The following FCGR1A variants were observed in gnomAD, a reference collection of about 807,000 sequenced individuals.
FCGR1A encodes high affinity immunoglobulin gamma Fc receptor I.
In FCGR1A, 13 loss-of-function variants were observed where a neutral mutation model predicts 35.0. That is an observed-to-expected ratio of 0.37 (90% CI 0.24 to 0.59). The LOEUF is 0.59. Ranked by LOEUF, FCGR1A falls within the 20% of genes least tolerant of loss-of-function variation. The pLI is 0.71. For missense variants in FCGR1A, 227 were observed against 430.0 expected (o/e 0.53, Z 4.17); for synonymous variants, 91 against 164.7 (o/e 0.55, Z 3.43).
the FCGR1A span, among the ~76,000 whole-genome samples, chr1:149,797,344 C>G: frequency 1.3e-5 from 2 of 152,060 alleles, no homozygotes; most frequent in Non-Finnish European, 2.9e-5. Flanking sequence ...GAAAAGTCAA[C>G]ATTTTGTCTA....
Position 149,791,455 on chromosome 1 carries a change from G to A in FCGR1A, c.1063G>A (p.Glu355Lys), listed in dbSNP as rs2101413744. Residue 355 changes from glutamate to lysine, a missense_variant, in exon 6 of 6, where the codon GAA becomes AAA. Coordinates refer to ENST00000369168, the MANE Select transcript of FCGR1A (RefSeq NM_000566.4). ...TTTAGAAGAAGAGCTGAAATGTCAG[G>A]AACAAAAAGAAGAACAGCTGCAGGA... The part of the protein sequence containing the change: ...RHLEEELKCQ[E>K]QKEEQLQEGV... The A allele has an allele frequency of 1.9e-6, 3 of 1,608,160 alleles. No homozygotes were observed. Among genetic ancestry groups the A allele is most frequent in the Middle Eastern group, 2.3e-4 (1 of 4,420 alleles).
chr1:149,793,137 C>T, downstream of FCGR1A: 1 of 1,275,084 alleles, frequency 7.8e-7, no homozygotes, highest in South Asian at 1.2e-5. Flanking sequence ...CCGGCCGAGC[C>T]TCCGCGGAGA....
At chr1:149,791,687 A>G (rs2091718425), downstream of FCGR1A, 4 of 1,162,362 alleles carry the variant, frequency 3.4e-6, no homozygotes, top group Non-Finnish European at 4.7e-6. Context: ...ACATTTGGAA[A>G]TGTGGTCATC....
chr1:149,792,634 T>C, downstream of FCGR1A: 1 of 1,265,464 alleles, frequency 7.9e-7, no homozygotes, highest in African/African-American at 1.6e-5. Flanking sequence ...CGCATGTGCA[T>C]ATTGCAGCCT....
intron 3 of FCGR1A, among the ~76,000 whole-genome samples, chr1:149,785,413 T>TG (rs1316307006): frequency 1.9e-4 from 25 of 130,642 alleles, no homozygotes; most frequent in Admixed American, 1.5e-3. Context: ...GTTTCGTTTT[T>TG]TTTTTTTTTT....
intron 3 of FCGR1A, chr1:149,787,397 G>A (rs2091581456): frequency 6.6e-6 from 1 of 152,202 alleles, no homozygotes; most frequent in Non-Finnish European, 1.5e-5. Flanking sequence ...TATGTGTAGA[G>A]GTGTATGTCG....
At chr1:149,785,170 T>C (rs1238221281) in intron 3 of FCGR1A, among the ~76,000 whole-genome samples, 4 of 152,164 alleles carry the variant, frequency 2.6e-5, no homozygotes, top group Non-Finnish European at 4.4e-5. Context: ...AAATGTATTA[T>C]TTAGTTATTC....
At chr1:149,797,569 A>G in the FCGR1A span, among the ~76,000 whole-genome samples, 1 of 152,140 alleles carries the variant, frequency 6.6e-6, no homozygotes. Context: ...TATGCCTTCT[A>G]CTTTCCACAG....
chr1:149,790,593 G>T (rs2091683006), intron 5 of FCGR1A, among the ~76,000 whole-genome samples: 1 of 147,140 alleles, frequency 6.8e-6, no homozygotes, highest in African/African-American at 2.5e-5. Flanking sequence ...TTTCTCCTCT[G>T]TCCTTCTTTT....
In FCGR1A at chr1:149,791,403, A is replaced by C. The variant is rs1553751861; in HGVS notation, c.1011A>C (p.Val337=). 3 of 1,598,978 alleles carry C rather than the reference A, an allele frequency of 1.9e-6. No individual in the cohort carries two copies. The highest frequency in any genetic ancestry group is 2.3e-5 in the East Asian group (1 of 44,228). Residue 337 remains valine (V), a synonymous_variant, in exon 6 of 6, where the codon GTA becomes GTC. Transcript: ENST00000369168. Reference sequence around the variant, plus strand: ...TGGATTCTGGTCATGAGAAGAAGGTAATTTCCAGCCTTCAAGAAGACAGAC... The same window carrying C: ...TGGATTCTGGTCATGAGAAGAAGGTCATTTCCAGCCTTCAAGAAGACAGAC... ...ISLDSGHEKK[V]ISSLQEDRHL...
intron 3 of FCGR1A, 198 bp from the exon 4 acceptor site, chr1:149,788,168 T>C: frequency 1.1e-6 from 1 of 873,664 alleles, no homozygotes; most frequent in Non-Finnish European, 1.7e-6. Flanking sequence ...AAGGGCTGTG[T>C]ACGCAGTTGC....
chr1:149,793,251 G>A, downstream of FCGR1A: 2 of 1,251,206 alleles, frequency 1.6e-6, no homozygotes, highest in Non-Finnish European at 2.1e-6. Flanking sequence ...GGCGGCGGCA[G>A]GGAGGGAGCG....
chr1:149,788,761 C>T (rs2091619695), intron 4 of FCGR1A, 144 bp downstream of exon 4: 2 of 844,564 alleles, frequency 2.4e-6, no homozygotes, highest in Non-Finnish European at 3.7e-6. Context: ...CACACCATGA[C>T]CAGTAGCTGG....
chr1:149,788,625 A>G lies in FCGR1A; in HGVS notation c.559+8A>G. 2 of 1,613,980 alleles carry G rather than the reference A, an allele frequency of 1.2e-6. No individual in the cohort carries two copies. The highest frequency in any genetic ancestry group is 1.7e-6 in the Non-Finnish European group (2 of 1,179,862). On this transcript the variant is annotated splice_region_variant and intron_variant, in intron 4 of 5. Coordinates refer to ENST00000369168, the MANE Select transcript of FCGR1A (RefSeq NM_000566.4). ...TATCTGTCACTGTGAAAGGTATTGT[A>G]TTGGAATAGTCATAGAACTGATAGT...
chr1:149,800,559 A>C, the FCGR1A span, among the ~76,000 whole-genome samples: 5 of 142,284 alleles, frequency 3.5e-5, no homozygotes, highest in Non-Finnish European at 7.6e-5. Context: ...GGATTTTAGG[A>C]GTTGTATGTC....
At chr1:149,794,069 T>C, downstream of FCGR1A, 1 of 530,402 alleles carries the variant, frequency 1.9e-6, no homozygotes, top group Non-Finnish European at 3.4e-6. Flanking sequence ...CAGGCTTAGT[T>C]GGAGACAGAT....
Position 149,788,635 on chromosome 1 carries a change from T to G in FCGR1A, c.559+18T>G. Reference sequence around the variant, plus strand: ...TGTGAAAGGTATTGTATTGGAATAGTCATAGAACTGATAGTCCCTCCCCCT... The same window carrying G: ...TGTGAAAGGTATTGTATTGGAATAGGCATAGAACTGATAGTCCCTCCCCCT... On this transcript the variant is annotated intron_variant, in intron 4 of 5. Transcript: ENST00000369168. The G allele has an allele frequency of 6.2e-7, 1 of 1,613,862 alleles. No individual in the cohort carries two copies. The highest frequency in any genetic ancestry group is 8.5e-7 in the Non-Finnish European group (1 of 1,179,842).
the FCGR1A span, among the ~76,000 whole-genome samples, chr1:149,797,663 T>C: frequency 6.6e-6 from 1 of 152,176 alleles, no homozygotes; most frequent in Non-Finnish European, 1.5e-5. Context: ...AGTGGCATGA[T>C]CTCAACTCAC....
At position 149,790,167 on chromosome 1, in the gene FCGR1A, C is replaced by T; in HGVS notation, c.673C>T (p.Leu225Phe). Residue 225 changes from leucine (L) to phenylalanine (F), a missense_variant, in exon 5 of 6, where the codon CTT (leucine) becomes TTT (phenylalanine). By Grantham distance (22) the Leu-to-Phe change is conservative. Coordinates refer to ENST00000369168, the MANE Select transcript of FCGR1A (RefSeq NM_000566.4). The stretch of plus-strand genomic sequence containing the variant: ...GCTCTTGCAGAGGCCTGGTTTGCAG[C>T]TTTACTTCTCCTTCTACATGGGCAG... ...KLLLQRPGLQ[L>F]YFSFYMGSKT... The T allele has an allele frequency of 2.5e-6, 4 of 1,613,986 alleles. No homozygotes were observed. Among genetic ancestry groups the T allele is most frequent in the Non-Finnish European group, 3.4e-6 (4 of 1,179,870 alleles).
Sources: allele counts gnomAD v4.1 joint callset (sites outside exome capture counted in the v4.1 genomes callset), GRCh38; gene constraint gnomAD v4.1.1; transcripts MANE v1.5; gene names NCBI Gene and HGNC (gene_info 2026-07-23, HGNC 2026-07-21).